ARHGAP27: variants seen among roughly 807,000 people sequenced by gnomAD.
ARHGAP27 encodes rho GTPase-activating protein 27.
In ARHGAP27, 53 loss-of-function variants were observed where a neutral mutation model predicts 102.0. The observed-to-expected ratio is 0.52, with a 90% confidence interval of 0.42 to 0.65. ARHGAP27 has a LOEUF of 0.65. ARHGAP27 is among the 30% of genes least tolerant of loss of function. The pLI is 0.00. For synonymous variants in ARHGAP27, 525 were observed against 542.8 expected, an observed-to-expected ratio of 0.97 and a Z score of 0.46; for missense variants, 1,117 against 1,256.2, an observed-to-expected ratio of 0.89 and a Z score of 1.68.
chr17:45,397,937 G>C lies in ARHGAP27; in HGVS notation c.1842+12C>G, dbSNP rs1315310495. Reference sequence around the variant, plus strand: ...CTCCCCACTGCCCCTAGAGGCCCTGGGCTCTGCTTACCAGCTCCTGGATGC... The same window carrying C: ...CTCCCCACTGCCCCTAGAGGCCCTGCGCTCTGCTTACCAGCTCCTGGATGC... On this transcript the variant is annotated intron_variant, in intron 13 of 19. Transcript: ENST00000685559. The C allele has an allele frequency of 6.3e-7, 1 of 1,598,622 alleles. No individual in the cohort carries two copies. Among genetic ancestry groups the C allele is most frequent in the South Asian group, 1.1e-5 (1 of 90,100 alleles).
chr17:45,405,312 C>T (rs1191748572), intron 5 of ARHGAP27, among the ~76,000 whole-genome samples: 1 of 150,140 alleles, frequency 6.7e-6, no homozygotes, highest in African/African-American at 2.5e-5. Context: ...GAGGTAGCCC[C>T]GCCCACTCCA....
chr17:45,429,585 C>A, intron 4 of ARHGAP27, 38 bp downstream of exon 4: 1 of 1,576,280 alleles, frequency 6.3e-7, no homozygotes, highest in Non-Finnish European at 8.6e-7. Context: ...GTCCCTAGCG[C>A]GCCACCCGCC....
chr17:45,395,950 A>T (rs550938120), intron 18 of ARHGAP27, 33 bp downstream of exon 18: 3 of 1,592,330 alleles, frequency 1.9e-6, no homozygotes, highest in South Asian at 2.3e-5. Context: ...CCACGCCCCT[A>T]CCCCATCCGC....
At chr17:45,429,560 C>T (rs750159801) in intron 4 of ARHGAP27, 63 bp downstream of exon 4, 10 of 1,566,968 alleles carry the variant, frequency 6.4e-6, no homozygotes, top group Non-Finnish European at 7.7e-6. Context: ...TGCGCCCCGG[C>T]TCCGTGCGGG....
chr17:45,402,870 C>T lies in ARHGAP27; in HGVS notation c.1639-52G>A, dbSNP rs193141882. On this transcript the variant is annotated intron_variant, in intron 11 of 19. Coordinates refer to ENST00000685559, the MANE Select transcript of ARHGAP27 (RefSeq NM_001282290.2). ...GGAGCCCTCAGTTCAGATGTGTCTG[C>T]TGTGGCACTCTGACCCTAGGAATAG... is the stretch of plus-strand genomic sequence containing the variant. The T allele has an allele frequency of 2.8e-6, 4 of 1,449,558 alleles. No individual in the cohort carries two copies. The African/African-American group carries it at 5.6e-5, about 20-fold the overall frequency. The allele number at this position is 1,449,558 out of a possible 1,614,324, so 89.8% of individuals were successfully genotyped here. A position where few individuals can be genotyped will look rare whatever the true frequency, so the allele number is the denominator to read the frequency against.
At position 45,427,081 on chromosome 17, in the gene ARHGAP27, C is replaced by G. The variant is rs976913701; in HGVS notation, c.657+2542G>C. Reference sequence around the variant, plus strand: ...CTGCCCACGAGTGCCAGCTGGGAATCTAGAACTCAACCTGATTTCCCTCCC... The same window carrying G: ...CTGCCCACGAGTGCCAGCTGGGAATGTAGAACTCAACCTGATTTCCCTCCC... On this transcript the variant is annotated intron_variant, in intron 4 of 19. Transcript: ENST00000685559. This position sits in a 1 kb window ranked among gnomAD's most constrained non-coding sequence, Gnocchi z 4.5. Among the ~76,000 whole-genome samples the G allele has an allele frequency of 2.6e-5, 4 of 152,168 alleles. No homozygotes were observed. The highest frequency in any genetic ancestry group is 9.7e-5 in the African/African-American group (4 of 41,430).
At chr17:45,396,626 C>T (rs749311983) in intron 15 of ARHGAP27, 41 bp from the exon 16 acceptor site, 8 of 1,611,806 alleles carry the variant, frequency 5.0e-6, no homozygotes, top group South Asian at 4.4e-5. Context: ...GCCTGCGCCC[C>T]GTCCCGGTCC....
intron 4 of ARHGAP27, among the ~76,000 whole-genome samples, chr17:45,414,747 T>C (rs1326931663): frequency 4.8e-5 from 7 of 146,662 alleles, no homozygotes; most frequent in South Asian, 2.3e-4. Flanking sequence ...CTGCACCCAA[T>C]TGGTCTCTCC....
At chr17:45,424,823 T>C (rs1345135381) in intron 4 of ARHGAP27, among the ~76,000 whole-genome samples, 1 of 151,932 alleles carries the variant, frequency 6.6e-6, no homozygotes, top group Non-Finnish European at 1.5e-5. Context: ...GAAATAAACA[T>C]TACAAAAAAC....
chr17:45,405,128 G>A (rs998906768), intron 5 of ARHGAP27, 22 bp from the exon 6 acceptor site: 2 of 1,554,312 alleles, frequency 1.3e-6, no homozygotes, highest in African/African-American at 1.4e-5. Flanking sequence ...AGAAGGTGGA[G>A]TCAGAGGCTC....
chr17:45,430,445 C>A lies in ARHGAP27; in HGVS notation c.-18-148G>T. On this transcript the variant is annotated intron_variant, in intron 3 of 19. Coordinates refer to ENST00000685559, the MANE Select transcript of ARHGAP27 (RefSeq NM_001282290.2). This position sits in a 1 kb window ranked among gnomAD's most constrained non-coding sequence, Gnocchi z 4.4. Reference sequence around the variant, plus strand: ...AGTTTTCCCATCTCTAAAATGGGAACTTGCATAAAATCACATGTAAGGCTT... The same window carrying A: ...AGTTTTCCCATCTCTAAAATGGGAAATTGCATAAAATCACATGTAAGGCTT... The A allele has an allele frequency of 8.2e-7, 1 of 1,220,932 alleles. No individual in the cohort carries two copies. The highest frequency in any genetic ancestry group is 1.1e-6 in the Non-Finnish European group (1 of 906,112). The allele number at this position is 1,220,932 out of a possible 1,614,324, so 75.6% of individuals were successfully genotyped here.
At chr17:45,429,258 G>T in intron 4 of ARHGAP27, 1 of 575,716 alleles carries the variant, frequency 1.7e-6, no homozygotes, top group Non-Finnish European at 2.8e-6. Context: ...CAGGGCTTGG[G>T]GCAGCAGCCG....
chr17:45,397,267 C>T (rs532171040), intron 13 of ARHGAP27: 9 of 1,390,580 alleles, frequency 6.5e-6, no homozygotes, highest in South Asian at 1.7e-5. Context: ...CTCCCACACC[C>T]CTTCCTATCC....
chr17:45,409,781 C>T (rs1473721070), intron 4 of ARHGAP27: 2 of 162,466 alleles, frequency 1.2e-5, no homozygotes, highest in African/African-American at 4.8e-5. Flanking sequence ...GTTACAGGCG[C>T]CTGCCACCCC....
chr17:45,397,675 T>C (rs2144209120), intron 13 of ARHGAP27: 1 of 385,858 alleles, frequency 2.6e-6, no homozygotes, highest in East Asian at 3.7e-5. Flanking sequence ...AGAGTATTTA[T>C]TTGGCCTTCT....
rs1331476580 is a variant in ARHGAP27 at position 45,429,742 on chromosome 17, C to T, written c.538G>A (p.Ala180Thr). The T allele has an allele frequency of 3.5e-5, 54 of 1,538,870 alleles. No individual in the cohort carries two copies. The highest frequency in any genetic ancestry group is 4.3e-5 in the Non-Finnish European group (49 of 1,142,908). ...ACCCAGGAGCCCGCCACGCTGCAGG[C>T]CTTGAAGCTGCCGCTGCTTCCTAGG... ...GLLGSSGSFK[A>T]CSVAGSWVCP... Residue 180 changes from alanine (A) to threonine (T), a missense_variant, in exon 4 of 20, where the codon GCC becomes ACC. By Grantham distance (58) the Ala-to-Thr change is moderately conservative (BLOSUM62 0). This residue lies in a region of ARHGAP27 where 610 missense variants were observed against 716.4 expected (regional missense o/e 0.85). Transcript: ENST00000685559.
At chr17:45,410,924 A>G (rs2047841220) in intron 4 of ARHGAP27, among the ~76,000 whole-genome samples, 1 of 152,116 alleles carries the variant, frequency 6.6e-6, no homozygotes, top group Non-Finnish European at 1.5e-5. Flanking sequence ...CGAGGAGGAC[A>G]GGAAGGATTC....
intron 4 of ARHGAP27, among the ~76,000 whole-genome samples, chr17:45,413,749 T>A (rs2048154818): frequency 1.3e-5 from 2 of 152,080 alleles, no homozygotes; most frequent in South Asian, 4.2e-4. Flanking sequence ...CTCACAACGC[T>A]TGTGCTCTAA....
intron 4 of ARHGAP27, among the ~76,000 whole-genome samples, chr17:45,416,171 G>C (rs1364053726): frequency 6.6e-6 from 1 of 151,712 alleles, no homozygotes; most frequent in African/African-American, 2.4e-5. Flanking sequence ...TCAGCTTCCC[G>C]AGTAGCTGGG....
Sources: gnomAD v4.1 joint callset for allele counts (sites outside exome capture counted in the v4.1 genomes callset) on GRCh38, gnomAD v4.1.1 for gene constraint, gnomAD v4.1.1 regional missense constraint, Gnocchi (gnomAD v3.1) non-coding constraint, MANE v1.5 for transcripts, NCBI Gene and HGNC (gene_info 2026-07-23, HGNC 2026-07-21) for gene names.